ALG6: variants seen among roughly 807,000 people sequenced by gnomAD.
The protein encoded by ALG6 is dolichyl pyrophosphate Man9GlcNAc2 alpha-1,3-glucosyltransferase.
ALG6 carries 46 observed loss-of-function variants against 66.6 expected under a neutral mutation model. The observed-to-expected ratio is 0.69, with a 90% CI of 0.55 to 0.88. The LOEUF (loss-of-function observed/expected upper bound fraction) is 0.88, where lower values mean the gene tolerates loss of function less well. ALG6 is among the 40% of genes least tolerant of loss of function. The pLI is 0.00. For missense variants in ALG6, 505 were observed against 586.8 expected, an observed-to-expected ratio of 0.86 and a Z score of 1.44; for synonymous variants, 185 against 203.7, an observed-to-expected ratio of 0.91 and a Z score of 0.78.
intron 3 of ALG6, among the ~76,000 whole-genome samples, chr1:63,396,914 C>T (rs1265403291): frequency 6.6e-6 from 1 of 152,132 alleles, no homozygotes; most frequent in East Asian, 1.9e-4. Flanking sequence ...TTCCCTGTTC[C>T]CTCATCCACT....
At chr1:63,416,316 T>C (rs1201601419) in intron 11 of ALG6, among the ~76,000 whole-genome samples, 1 of 152,060 alleles carries the variant, frequency 6.6e-6, no homozygotes, top group Admixed American at 6.6e-5. Context: ...GGAGATATTA[T>C]CTCGGGGGGA....
At chr1:63,430,171 G>A (rs12726028) in intron 14 of ALG6, among the ~76,000 whole-genome samples, 22,878 of 152,142 alleles carry the variant, frequency 0.15, 1,737 homozygotes, top group Middle Eastern at 0.25. Flanking sequence ...ATGAGCCACT[G>A]CGCCCAGTCA....
In ALG6 at chr1:63,406,986, G is replaced by A. The variant is rs182859668; in HGVS notation, c.430-76G>A. On this transcript the variant is annotated intron_variant, in intron 6 of 14. Coordinates refer to ENST00000263440, the MANE Select transcript of ALG6 (RefSeq NM_013339.4). ...AAGGGGAACATTTGCTAATGTGTTA[G>A]ATAAAAACCACACTTTTACCCTGCT... The A allele has an allele frequency of 6.2e-6, 7 of 1,133,250 alleles. No homozygotes were observed. The African/African-American group carries it at 1.1e-4, about 17-fold the overall frequency. The allele number at this position is 1,133,250 out of a possible 1,614,324, so 70.2% of individuals were successfully genotyped here.
intron 2 of ALG6, among the ~76,000 whole-genome samples, chr1:63,390,726 C>T (rs1262918841): frequency 1.3e-5 from 2 of 152,204 alleles, no homozygotes; most frequent in Non-Finnish European, 2.9e-5. Flanking sequence ...AATGCTCCCT[C>T]CATAGGTACC....
rs1415255896 is a variant in ALG6 at position 63,437,837 on chromosome 1, T to C, written c.*817T>C. The C allele has an allele frequency of 6.6e-6, 1 of 151,864 alleles. No individual in the cohort carries two copies. The highest frequency in any genetic ancestry group is 1.9e-4 in the East Asian group (1 of 5,186). The allele number at this position is 151,864 out of a possible 1,614,324, so 9.4% of individuals were successfully genotyped here. A position where few individuals can be genotyped will look rare whatever the true frequency, so the allele number is the denominator to read the frequency against. ...TATTATATATATATTATTATTGACA[T>C]GGTTCAGGGTTACCACTGCCAGAGC... On this transcript the variant is annotated 3_prime_UTR_variant, in exon 15 of 15. Transcript: ENST00000263440.
intron 7 of ALG6, among the ~76,000 whole-genome samples, chr1:63,408,471 A>G (rs1249508138): frequency 1.3e-5 from 2 of 152,238 alleles, no homozygotes; most frequent in Admixed American, 6.5e-5. Context: ...GCCATGACGA[A>G]TAATGCTGCC....
At chr1:63,382,655 GTTTTTTTTTGTTTTTTTTTT>G (rs1557581406) in intron 2 of ALG6, among the ~76,000 whole-genome samples, 16 of 81,242 alleles carry the variant, frequency 2.0e-4, no homozygotes, top group South Asian at 3.8e-4. Flanking sequence ...TTTTTTGTTT[GTTTTTTTTTGTTTTTTTTTT>G]TTTGTTTTTT....
intron 1 of ALG6, among the ~76,000 whole-genome samples, chr1:63,369,023 C>G (rs1415161796): frequency 6.6e-6 from 1 of 152,054 alleles, no homozygotes; most frequent in African/African-American, 2.4e-5. Flanking sequence ...TTTTTAACAC[C>G]ATAGATTAGT....
At chr1:63,422,152 T>G (rs1477879717) in intron 12 of ALG6, among the ~76,000 whole-genome samples, 1 of 51,652 alleles carries the variant, frequency 1.9e-5, no homozygotes, top group East Asian at 9.6e-4. Flanking sequence ...TATATAAATA[T>G]AAATATATAT....
chr1:63,399,967 C>T (rs1307672027), intron 3 of ALG6, among the ~76,000 whole-genome samples: 6 of 151,066 alleles, frequency 4.0e-5, no homozygotes, highest in African/African-American at 7.3e-5. Context: ...GAGACCAAGG[C>T]GGGCAGATCA....
chr1:63,370,089 A>G (rs1647863431), intron 1 of ALG6, among the ~76,000 whole-genome samples: 1 of 151,892 alleles, frequency 6.6e-6, no homozygotes, highest in Non-Finnish European at 1.5e-5. Context: ...AAGTGCTGGG[A>G]TTACAGGCGT....
At position 63,370,834 on chromosome 1, in the gene ALG6, C is replaced by T; in HGVS notation, c.-144C>T. The T allele has an allele frequency of 2.9e-6, 2 of 694,450 alleles. No individual in the cohort carries two copies. Among genetic ancestry groups the T allele is most frequent in the African/African-American group, 1.8e-5 (1 of 56,100 alleles). 43.0% of individuals were successfully genotyped at this position (694,450 alleles called of 1,614,324 possible). A position where few individuals can be genotyped will look rare whatever the true frequency, so the allele number is the denominator to read the frequency against. On this transcript the variant is annotated 5_prime_UTR_variant, in exon 2 of 15. Transcript: ENST00000263440. ...GGAAACCAAGCATCATTAAAATTCT[C>T]TCAAACTCCTAATTGCGAAGAATCG...
At chr1:63,376,978 T>C (rs1648153723) in intron 2 of ALG6, among the ~76,000 whole-genome samples, 1 of 152,176 alleles carries the variant, frequency 6.6e-6, no homozygotes, top group Admixed American at 6.5e-5. Context: ...TGTTTTTCTT[T>C]TTTTTTTGAG....
chr1:63,369,909 C>T (rs1441416376), intron 1 of ALG6, among the ~76,000 whole-genome samples: 1 of 151,784 alleles, frequency 6.6e-6, no homozygotes, highest in African/African-American at 2.4e-5. Flanking sequence ...ACCTTCACCT[C>T]CTGGGTTGAA....
chr1:63,378,595 A>G (rs1280210694), intron 2 of ALG6, among the ~76,000 whole-genome samples: 1 of 152,198 alleles, frequency 6.6e-6, no homozygotes, highest in Non-Finnish European at 1.5e-5. Context: ...CTATGTGCCA[A>G]GGGCTGGTGA....
chr1:63,397,690 A>T (rs1011972637), intron 3 of ALG6, among the ~76,000 whole-genome samples: 1 of 152,222 alleles, frequency 6.6e-6, no homozygotes, highest in Non-Finnish European at 1.5e-5. Flanking sequence ...TTAATTTTGT[A>T]TACAAATCTA....
At position 63,384,625 on chromosome 1, in the gene ALG6, G is replaced by A. The variant is rs554127619; in HGVS notation, c.83-11888G>A. ...TGGAGCAGTTTCATAGTGTGAGGTC[G>A]TATATTTAAGTCTTTAATCCATTTT... On this transcript the variant is annotated intron_variant, in intron 2 of 14. Coordinates refer to ENST00000263440, the MANE Select transcript of ALG6 (RefSeq NM_013339.4). 4.6e-5 allele frequency among the ~76,000 whole-genome samples: 7 copies of A among 152,170 alleles called. No individual in the cohort carries two copies. The South Asian group carries it at 6.2e-4, about 14-fold the overall frequency.
In ALG6 at chr1:63,411,159, A is replaced by G; in HGVS notation, c.508A>G (p.Ser170Gly). 1 of 1,613,780 alleles carries G rather than the reference A, an allele frequency of 6.2e-7. No individual in the cohort carries two copies. Among genetic ancestry groups the G allele is most frequent in the Non-Finnish European group, 8.5e-7 (1 of 1,179,848 alleles). ...ACACAGGAACATATATAATTCTGTG[A>G]GTCTTGGCTTTGCTTTGTGGGGTGT... Reference protein sequence around the residue: ...DYGHFQYNSVSLGFALWGVLG... With the variant: ...DYGHFQYNSVGLGFALWGVLG... The change falls in exon 8 of 15, where the codon AGT (serine) becomes GGT (glycine). Residue 170 changes from serine to glycine, a missense_variant. Physicochemically the swap from Ser to Gly is moderately conservative, Grantham distance 56 (BLOSUM62 0). Transcript: ENST00000263440.
rs1029811798 is a variant in ALG6 at position 63,369,367 on chromosome 1, G to A, written c.-207-1404G>A. On this transcript the variant is annotated intron_variant, in intron 1 of 14. Transcript: ENST00000263440. ...ATTAGGGCCGGGTGCAGTGGCTCACGCCTGTAATCCCAGCACTTTGGGAGA... is the reference window on the plus strand; with the variant it reads ...ATTAGGGCCGGGTGCAGTGGCTCACACCTGTAATCCCAGCACTTTGGGAGA... Among the ~76,000 whole-genome samples, 3 of 152,066 alleles carry A rather than the reference G, an allele frequency of 2.0e-5. No homozygotes were observed. In the East Asian group the frequency reaches 5.8e-4, roughly 29 times the overall value.
Sources: allele counts gnomAD v4.1 joint callset (sites outside exome capture counted in the v4.1 genomes callset), GRCh38; gene constraint gnomAD v4.1.1; transcripts MANE v1.5; gene names NCBI Gene and HGNC (gene_info 2026-07-23, HGNC 2026-07-21).